Variants in TCERG1L observed in about 807,000 individuals in gnomAD.
TCERG1L encodes the protein transcription elongation regulator 1-like protein.
TCERG1L carries 37 observed loss-of-function variants against 56.3 expected under a neutral mutation model. The ratio of observed to expected loss-of-function variants is 0.66; its 90% CI spans 0.51 to 0.87. The LOEUF (loss-of-function observed/expected upper bound fraction) is 0.87. Among genes scored for constraint, TCERG1L ranks in the 40% least tolerant of loss-of-function variants. The pLI is 0.00. For synonymous variants in TCERG1L, 324 were observed against 326.3 expected, an observed-to-expected ratio of 0.99 and a Z score of 0.08; for missense variants, 799 against 774.2, an observed-to-expected ratio of 1.03 and a Z score of -0.38.
chr10:131,173,039 C>T (rs1016957763), intron 4 of TCERG1L, among the ~76,000 whole-genome samples: 13 of 151,962 alleles, frequency 8.6e-5, no homozygotes, highest in African/African-American at 1.2e-4. Flanking sequence ...TACAGGGGCC[C>T]GCCACCACGC....
intron 8 of TCERG1L, among the ~76,000 whole-genome samples, chr10:131,128,335 G>A (rs1317985649): frequency 6.6e-6 from 1 of 152,182 alleles, no homozygotes; most frequent in Non-Finnish European, 1.5e-5. Flanking sequence ...CAGTTCACAG[G>A]TGACTCCAAG....
intron 3 of TCERG1L, among the ~76,000 whole-genome samples, chr10:131,279,342 G>A (rs1039133502): frequency 2.0e-5 from 3 of 152,208 alleles, no homozygotes; most frequent in Admixed American, 6.5e-5. Context: ...AGTGTAAGAC[G>A]CTCAGTGCCA....
intron 4 of TCERG1L, among the ~76,000 whole-genome samples, chr10:131,208,389 G>A (rs1053224510): frequency 7.9e-5 from 12 of 152,276 alleles, no homozygotes; most frequent in East Asian, 1.9e-4. Context: ...CCTCAGCTCC[G>A]AGCCCACAGA....
chr10:131,147,988 C>A (rs1343291325), intron 6 of TCERG1L, among the ~76,000 whole-genome samples: 2 of 152,234 alleles, frequency 1.3e-5, no homozygotes, highest in Non-Finnish European at 2.9e-5. Context: ...TGTTGGCAAC[C>A]CTGGGCAGAC....
intron 4 of TCERG1L, among the ~76,000 whole-genome samples, chr10:131,246,190 C>T (rs1223214006): frequency 3.3e-5 from 5 of 152,160 alleles, no homozygotes; most frequent in South Asian, 2.1e-4. Flanking sequence ...GATGGCACCT[C>T]GTGCATGACA....
chr10:131,236,247 A>G (rs533647328), intron 4 of TCERG1L, among the ~76,000 whole-genome samples: 3 of 152,360 alleles, frequency 2.0e-5, no homozygotes, highest in Admixed American at 2.0e-4. Flanking sequence ...CCTGTGATCT[A>G]TGATCTAATG....
chr10:131,236,560 C>T (rs1446886030), intron 4 of TCERG1L, among the ~76,000 whole-genome samples: 1 of 152,206 alleles, frequency 6.6e-6, no homozygotes, highest in East Asian at 1.9e-4. Context: ...AATCTTGTGG[C>T]ACATCCCTTC....
intron 6 of TCERG1L, among the ~76,000 whole-genome samples, chr10:131,147,478 A>G (rs1280111191): frequency 6.6e-6 from 1 of 152,198 alleles, no homozygotes; most frequent in African/African-American, 2.4e-5. Flanking sequence ...CGCGGCAGAT[A>G]AAGGCCAGCA....
At position 131,114,594 on chromosome 10, in the gene TCERG1L, C is replaced by T. The variant is rs542632199; in HGVS notation, c.1395+2205G>A. Among the ~76,000 whole-genome samples, 13 of 152,182 alleles carry T rather than the reference C, an allele frequency of 8.5e-5. 1 individual carries two copies. The South Asian group carries it at 1.7e-3, about 19-fold the overall frequency. The stretch of plus-strand genomic sequence containing the variant: ...GTTGAAACGAACCACCCACCCTAAA[C>T]GGGGTAAAAAGGCCCTGAAAATCTC... On this transcript the variant is annotated intron_variant, in intron 9 of 11. Coordinates refer to ENST00000368642, the MANE Select transcript of TCERG1L (RefSeq NM_174937.4).
intron 4 of TCERG1L, among the ~76,000 whole-genome samples, chr10:131,222,032 T>A (rs72841331): frequency 0.072 from 10,939 of 152,290 alleles, 522 homozygotes; most frequent in Middle Eastern, 0.11. Context: ...ACACACTAAG[T>A]GTCTTGGGGT....
chr10:131,220,650 C>T (rs1285786107), intron 4 of TCERG1L, among the ~76,000 whole-genome samples: 7 of 152,152 alleles, frequency 4.6e-5, no homozygotes, highest in Non-Finnish European at 7.4e-5. Flanking sequence ...CTCCCAGGAC[C>T]CTGCCTCAGC....
chr10:131,258,220 CT>C (rs1254204754), intron 4 of TCERG1L, among the ~76,000 whole-genome samples: 1 of 152,232 alleles, frequency 6.6e-6, no homozygotes, highest in African/African-American at 2.4e-5. Flanking sequence ...GAGACAACGC[CT>C]TGCTCCCATC....
intron 4 of TCERG1L, among the ~76,000 whole-genome samples, chr10:131,239,363 G>C (rs530747757): frequency 2.0e-5 from 3 of 152,200 alleles, no homozygotes; most frequent in Non-Finnish European, 4.4e-5. Flanking sequence ...ATAAGAATGA[G>C]AATGAAAAGT....
At chr10:131,292,037 T>G (rs1040554165) in intron 3 of TCERG1L, among the ~76,000 whole-genome samples, 9 of 152,206 alleles carry the variant, frequency 5.9e-5, no homozygotes, top group Admixed American at 5.2e-4. Context: ...GTTGTTAAGT[T>G]GACTGTCTCC....
Position 131,205,972 on chromosome 10 carries a change from G to A in TCERG1L, c.857-39087C>T, listed in dbSNP as rs576732650. ...GCAGACAGCTTGCCATATGAGCAGG[G>A]GTCCACGGGCAGATGGTTTGCCATA... On this transcript the variant is annotated intron_variant, in intron 4 of 11. Transcript: ENST00000368642. 7.2e-5 allele frequency among the ~76,000 whole-genome samples: 11 copies of A among 152,254 alleles called. No individual in the cohort carries two copies. In the South Asian group the frequency reaches 2.3e-3, roughly 32 times the overall value.
intron 4 of TCERG1L, among the ~76,000 whole-genome samples, chr10:131,230,498 C>G (rs949801594): frequency 6.6e-6 from 1 of 152,220 alleles, no homozygotes; most frequent in Non-Finnish European, 1.5e-5. Context: ...CTGAGGGACG[C>G]TGGGGAAAAG....
At chr10:131,236,952 T>G (rs1845919371) in intron 4 of TCERG1L, among the ~76,000 whole-genome samples, 1 of 151,992 alleles carries the variant, frequency 6.6e-6, no homozygotes, top group African/African-American at 2.4e-5. Flanking sequence ...GGGACACTTT[T>G]AAAGCCATCC....
intron 4 of TCERG1L, among the ~76,000 whole-genome samples, chr10:131,252,304 C>CAACT (rs1564826202): frequency 3.9e-5 from 6 of 152,122 alleles, no homozygotes; most frequent in Non-Finnish European, 1.5e-5. Context: ...ACCTGCCACA[C>CAACT]GGTTGTCCAC....
At chr10:131,270,012 C>A (rs1371894722) in intron 3 of TCERG1L, among the ~76,000 whole-genome samples, 2 of 152,136 alleles carry the variant, frequency 1.3e-5, no homozygotes, top group Non-Finnish European at 2.9e-5. Flanking sequence ...AGGAGGATAT[C>A]CAAATCCGTT....
Sources: allele counts gnomAD v4.1 joint callset (sites outside exome capture counted in the v4.1 genomes callset), GRCh38; gene constraint gnomAD v4.1.1; transcripts MANE v1.5; gene names NCBI Gene and HGNC (gene_info 2026-07-23, HGNC 2026-07-21).